The following MTERF4 variants were observed in gnomAD, a reference collection of about 807,000 sequenced individuals.
MTERF4 encodes mitochondrial transcription termination factor 4, also known as transcription termination factor 4, mitochondrial.
Under a neutral mutation model 22.5 loss-of-function variants are expected in MTERF4, and 17 were observed. That is an observed-to-expected ratio of 0.75 (90% CI 0.52 to 1.13). The LOEUF is 1.13. MTERF4 is among the 50% of genes most tolerant of loss of function. The probability of loss-of-function intolerance (pLI) is 0.00; values close to 1 mark genes in which losing one functional copy is unlikely to be tolerated. For missense variants in MTERF4, 420 were observed against 466.8 expected (o/e 0.90, Z 0.92); for synonymous variants, 165 against 175.3 (o/e 0.94, Z 0.47).
chr2:241,100,261 C>T (rs989229096), intron 1 of MTERF4, among the ~76,000 whole-genome samples: 1 of 152,144 alleles, frequency 6.6e-6, no homozygotes, highest in Non-Finnish European at 1.5e-5. Flanking sequence ...ATTCATTCCA[C>T]GAGAAGAATC....
downstream of MTERF4, among the ~76,000 whole-genome samples, chr2:241,067,208 G>T (rs1223240212): frequency 6.6e-6 from 1 of 152,238 alleles, no homozygotes; most frequent in Non-Finnish European, 1.5e-5. Context: ...GAGTTGCCGG[G>T]AGCTGAGCGC....
the MTERF4 span, among the ~76,000 whole-genome samples, chr2:241,054,870 A>C: frequency 6.6e-6 from 1 of 152,206 alleles, no homozygotes; most frequent in Admixed American, 6.5e-5. Flanking sequence ...TAATCCCAGC[A>C]CTTTGGGAGG....
At chr2:241,088,322 A>G (rs1478785902), downstream of MTERF4, 1 of 1,417,058 alleles carries the variant, frequency 7.1e-7, no homozygotes, top group Non-Finnish European at 1.0e-6. Context: ...TTCAAGGTAC[A>G]CAGTCTCTTT....
rs932827522 is a variant in MTERF4, at chr2:241,075,905, G to A, written n.480-223C>T. 6.6e-6 allele frequency among the ~76,000 whole-genome samples: 1 copy of A among 152,084 alleles called. No homozygotes were observed. Among genetic ancestry groups the A allele is most frequent in the Non-Finnish European group, 1.5e-5 (1 of 68,020 alleles). Reference sequence around the variant, plus strand: ...ACAATTTCATTTTTTATGCATATGGGTAAACTGGATTTTTCATCTCTTCAT... The same window carrying A: ...ACAATTTCATTTTTTATGCATATGGATAAACTGGATTTTTCATCTCTTCAT... On this transcript the variant is annotated intron_variant and non_coding_transcript_variant, in intron 4 of 4. Transcript: ENST00000464344. The surrounding 1 kb of genome is among the most constrained non-coding windows in gnomAD (Gnocchi z 4.8).
exon 5 of MTERF4, chr2:241,074,671 G>C (rs2062937476): frequency 6.6e-6 from 1 of 152,180 alleles, no homozygotes; most frequent in Non-Finnish European, 1.5e-5. Context: ...ATGATTTTAA[G>C]TGATAACATG....
chr2:241,088,909 G>A (rs1045422263), downstream of MTERF4: 13 of 202,108 alleles, frequency 6.4e-5, no homozygotes, highest in Middle Eastern at 2.0e-3. Flanking sequence ...GGCCTTGATC[G>A]CTTAATATTT....
chr2:241,062,930 G>A, the MTERF4 span: 73 of 1,432,034 alleles, frequency 5.1e-5, no homozygotes, highest in Middle Eastern at 3.6e-4. Flanking sequence ...GCCCCGCTGG[G>A]GTGACAGCTG....
downstream of MTERF4, chr2:241,071,926 TC>T (rs773340109): frequency 6.4e-6 from 9 of 1,409,988 alleles, no homozygotes; most frequent in East Asian, 2.0e-4. Context: ...ACCCTCGTCC[TC>T]ACTGCCACTC....
the MTERF4 span, among the ~76,000 whole-genome samples, chr2:241,066,756 C>T: frequency 1.3e-5 from 2 of 152,098 alleles, no homozygotes; most frequent in Non-Finnish European, 2.9e-5. Context: ...AGGAGCTCGG[C>T]GGTTCTCACA....
At chr2:241,071,335 G>GAGGACAC, downstream of MTERF4, 1 of 589,126 alleles carries the variant, frequency 1.7e-6, no homozygotes, top group Non-Finnish European at 3.0e-6. Flanking sequence ...CCAGGCCAGT[G>GAGGACAC]CACGCCTGTG....
At chr2:241,056,720 A>G in the MTERF4 span, among the ~76,000 whole-genome samples, 5 of 151,844 alleles carry the variant, frequency 3.3e-5, no homozygotes, top group South Asian at 8.3e-4. Context: ...AGCTGGGACT[A>G]CAGGCGCCCA....
chr2:241,089,437 A>G (rs758219769), downstream of MTERF4: 10 of 1,548,478 alleles, frequency 6.5e-6, no homozygotes, highest in South Asian at 1.2e-5. Context: ...CTTTTCAGAT[A>G]TAGGCTCACA....
At chr2:241,069,823 C>A, downstream of MTERF4, 1 of 1,401,362 alleles carries the variant, frequency 7.1e-7, no homozygotes, top group Non-Finnish European at 9.7e-7. The surrounding 1 kb of genome is among the most constrained non-coding windows in gnomAD (Gnocchi z 4.9). Flanking sequence ...TGGCTTCCAG[C>A]AAGGCTGCGG....
chr2:241,069,097 C>T, downstream of MTERF4: 1 of 1,020,600 alleles, frequency 9.8e-7, no homozygotes. This position sits in a 1 kb window ranked among gnomAD's most constrained non-coding sequence, Gnocchi z 4.9. Context: ...CCAGCCTCCC[C>T]TAGTCCTCTC....
At chr2:241,065,795 T>C in the MTERF4 span, among the ~76,000 whole-genome samples, 4 of 152,096 alleles carry the variant, frequency 2.6e-5, no homozygotes, top group East Asian at 1.9e-4. Context: ...GTCCACAAGA[T>C]ACAGGCATGG....
downstream of MTERF4, among the ~76,000 whole-genome samples, chr2:241,083,222 T>A (rs377241182): frequency 6.6e-6 from 1 of 151,834 alleles, no homozygotes; most frequent in South Asian, 2.1e-4. Context: ...TGAACAGACA[T>A]GGAGGAGGGA....
downstream of MTERF4, among the ~76,000 whole-genome samples, chr2:241,068,475 G>A (rs980429346): frequency 3.3e-5 from 5 of 152,142 alleles, no homozygotes; most frequent in Admixed American, 6.5e-5. The surrounding 1 kb of genome is among the most constrained non-coding windows in gnomAD (Gnocchi z 5.3). Context: ...GGAAAAGATC[G>A]GAGAGCGAGT....
At chr2:241,082,133 A>AC (rs2063357426), downstream of MTERF4, 1 of 636,806 alleles carries the variant, frequency 1.6e-6, no homozygotes. Flanking sequence ...CCAGCTGCAG[A>AC]CCCCCGGGCC....
chr2:241,050,055 T>G, the MTERF4 span: 4 of 752,674 alleles, frequency 5.3e-6, no homozygotes, highest in Non-Finnish European at 9.6e-6. Flanking sequence ...TCTAGAGCCT[T>G]GCCTGATGTG....
Sources: gnomAD v4.1 joint callset for allele counts (sites outside exome capture counted in the v4.1 genomes callset) on GRCh38, gnomAD v4.1.1 for gene constraint, Gnocchi (gnomAD v3.1) non-coding constraint, MANE v1.5 for transcripts, NCBI Gene and HGNC (gene_info 2026-07-23, HGNC 2026-07-21) for gene names.